Variants in EMC7 observed in about 807,000 individuals in gnomAD.
EMC7 encodes the protein ER membrane protein complex subunit 7.
Under a neutral mutation model 24.4 loss-of-function variants are expected in EMC7, and 4 were observed. That is an observed-to-expected ratio of 0.16 (90% CI 0.08 to 0.38). The LOEUF is 0.38. Among genes scored for constraint, EMC7 ranks in the 10% least tolerant of loss-of-function variants. The pLI is 1.00. For synonymous variants in EMC7, 106 were observed against 112.0 expected (o/e 0.95, Z 0.34); for missense variants, 221 against 300.6 (o/e 0.74, Z 1.96).
At chr15:34,090,639 T>C (rs1330309566) in intron 2 of EMC7, among the ~76,000 whole-genome samples, 184 bp from the exon 3 acceptor site, 2 of 152,214 alleles carry the variant, frequency 1.3e-5, no homozygotes, top group Non-Finnish European at 2.9e-5. Context: ...GTCTAAAATA[T>C]GCAGCAAAAC....
chr15:34,097,674 A>G (rs1479283940), intron 1 of EMC7, among the ~76,000 whole-genome samples: 1 of 152,244 alleles, frequency 6.6e-6, no homozygotes, highest in African/African-American at 2.4e-5. Context: ...ATATATTAAA[A>G]TAATGCTTCT....
In EMC7 at chr15:34,101,570, C is replaced by A. The variant is rs142509404; in HGVS notation, c.236+34G>T. ...GTGGGGTCCCTGTCCGGCCTCCATCCCAGCCTTTTTCCCGCTGCCCTCAGG... is the reference window on the plus strand; with the variant it reads ...GTGGGGTCCCTGTCCGGCCTCCATCACAGCCTTTTTCCCGCTGCCCTCAGG... On this transcript the variant is annotated intron_variant, in intron 1 of 4. Transcript: ENST00000256545. 2,056 of 1,607,598 alleles carry A rather than the reference C, an allele frequency of 1.3e-3. 4 individuals carry two copies. Among genetic ancestry groups the A allele is most frequent in the Non-Finnish European group, 1.6e-3 (1,873 of 1,175,820 alleles).
At chr15:34,100,068 C>A (rs1901150693) in intron 1 of EMC7, among the ~76,000 whole-genome samples, 1 of 152,224 alleles carries the variant, frequency 6.6e-6, no homozygotes, top group Non-Finnish European at 1.5e-5. Context: ...ATGGTAGGCA[C>A]CGTGGCTCAC....
intron 2 of EMC7, among the ~76,000 whole-genome samples, chr15:34,094,683 C>T (rs140864307): frequency 0.015 from 2,253 of 150,414 alleles, 42 homozygotes; most frequent in Admixed American, 0.047. Context: ...GCTTGGGCAA[C>T]AGAGCAAGAC....
At position 34,101,644 on chromosome 15, in the gene EMC7, G is replaced by A; in HGVS notation, c.196C>T (p.Arg66Ter). ...VKPQDWISAARVLVDGEEHVG... is the reference protein window; with the variant it reads ...VKPQDWISAA ...TGCTCTTCTCCGTCTACCAGCACTC[G>A]GGCCGCCGAGATCCAGTCCTGAGGC... The change falls in exon 1 of 5, where the codon CGA becomes TGA. Residue 66 changes from arginine to a stop codon, truncating the protein, a stop_gained. Coordinates refer to ENST00000256545, the MANE Select transcript of EMC7 (RefSeq NM_020154.3). LOFTEE classifies it high-confidence loss of function. The A allele has an allele frequency of 6.2e-7, 1 of 1,613,688 alleles. No individual in the cohort carries two copies. Among genetic ancestry groups the A allele is most frequent in the Non-Finnish European group, 8.5e-7 (1 of 1,179,940 alleles).
intron 1 of EMC7, among the ~76,000 whole-genome samples, chr15:34,099,366 C>G (rs945673015): frequency 6.6e-6 from 1 of 152,100 alleles, no homozygotes; most frequent in Non-Finnish European, 1.5e-5. Flanking sequence ...TGTCCAAAAA[C>G]AGAGGACTGG....
chr15:34,099,748 G>A (rs1159120148), intron 1 of EMC7, among the ~76,000 whole-genome samples: 1 of 152,058 alleles, frequency 6.6e-6, no homozygotes, highest in Non-Finnish European at 1.5e-5. Context: ...TTGGACTACA[G>A]GTGCACACCA....
At chr15:34,090,514 A>C in intron 2 of EMC7, 59 bp from the exon 3 acceptor site, 1 of 1,553,292 alleles carries the variant, frequency 6.4e-7, no homozygotes. Flanking sequence ...ACTGGTTAAA[A>C]GAACTGCTTA....
rs932722444 is a variant in EMC7 at position 34,101,544 on chromosome 15, G to A, written c.236+60C>T. Reference sequence around the variant, plus strand: ...TCCCGTCCTGACACTTAACTCTCCTGGTGGGGTCCCTGTCCGGCCTCCATC... The same window carrying A: ...TCCCGTCCTGACACTTAACTCTCCTAGTGGGGTCCCTGTCCGGCCTCCATC... On this transcript the variant is annotated intron_variant, in intron 1 of 4. Transcript: ENST00000256545. 20 of 1,550,672 alleles carry A rather than the reference G, an allele frequency of 1.3e-5. No individual in the cohort carries two copies. In the Admixed American group the frequency reaches 3.2e-4, roughly 25 times the overall value.
At position 34,086,118 on chromosome 15, in the gene EMC7, G is replaced by A. The variant is rs1900882402; in HGVS notation, c.577-1632C>T. 8.2e-6 allele frequency: 3 copies of A among 367,384 alleles called. No individual in the cohort carries two copies. In the Admixed American group the frequency reaches 9.9e-5, roughly 12 times the overall value. 22.8% of individuals were successfully genotyped at this position (367,384 alleles called of 1,614,324 possible). On this transcript the variant is annotated intron_variant, in intron 4 of 4. Coordinates refer to ENST00000256545, the MANE Select transcript of EMC7 (RefSeq NM_020154.3). ...GAAGCCACTGGGTAGTAAGTACTTT[G>A]TTTCTTTGCTGCTCCCATAACCAAT...
intron 1 of EMC7, among the ~76,000 whole-genome samples, chr15:34,096,779 G>T (rs891759717): frequency 4.6e-5 from 7 of 151,696 alleles, no homozygotes; most frequent in Non-Finnish European, 1.0e-4. Context: ...CCTGAGGTTG[G>T]GAGTTAGAGA....
chr15:34,090,411 A>C lies in EMC7; in HGVS notation c.401T>G (p.Leu134Arg). 1 of 1,613,688 alleles carries C rather than the reference A, an allele frequency of 6.2e-7. No homozygotes were observed. The highest frequency in any genetic ancestry group is 8.5e-7 in the Non-Finnish European group (1 of 1,179,806). The change falls in exon 3 of 5, where the codon CTG (leucine) becomes CGG (arginine). Residue 134 changes from leucine (L) to arginine (R), a missense_variant. Coordinates refer to ENST00000256545, the MANE Select transcript of EMC7 (RefSeq NM_020154.3). ...AGATTTCATTTGGAGAGGATAGGGC[A>C]GTCTGACAACCTCTGATGTTTTGAT... The part of the protein sequence containing the change: ...NYIKTSEVVR[L>R]PYPLQMKSSG...
chr15:34,088,030 C>T (rs762515049), intron 4 of EMC7, 23 bp downstream of exon 4: 92 of 1,584,026 alleles, frequency 5.8e-5, no homozygotes, highest in Middle Eastern at 1.7e-4. Context: ...AAAAAAAAAT[C>T]CATAGCTGGA....
intron 3 of EMC7, among the ~76,000 whole-genome samples, chr15:34,089,828 T>C (rs1158189951): frequency 1.3e-5 from 2 of 152,148 alleles, no homozygotes; most frequent in Non-Finnish European, 2.9e-5. Context: ...TGGTGGCACA[T>C]GCCTGTAATC....
At position 34,101,769 on chromosome 15, in the gene EMC7, G is replaced by A. The variant is rs536183649; in HGVS notation, c.71C>T (p.Ser24Leu). 2.5e-6 allele frequency: 4 copies of A among 1,613,342 alleles called. No homozygotes were observed. In the African/African-American group the frequency reaches 5.3e-5, roughly 22 times the overall value. ...LLLLSGDVQSSEVPGAAAEGS... is the reference protein window; with the variant it reads ...LLLLSGDVQSLEVPGAAAEGS... ...CTCAGCAGCAGCCCCGGGCACCTCC[G>A]AGCTCTGGACATCCCCCGATAGCAG... The change falls in exon 1 of 5, where the codon TCG becomes TTG. Residue 24 changes from serine to leucine, a missense_variant. Physicochemically the swap from Ser to Leu is moderately radical, Grantham distance 145. This residue lies in a region of EMC7 where 156 missense variants were observed against 177.1 expected (regional missense o/e 0.88). Coordinates refer to ENST00000256545, the MANE Select transcript of EMC7 (RefSeq NM_020154.3).
chr15:34,098,420 T>G (rs1203194772), intron 1 of EMC7, among the ~76,000 whole-genome samples: 1 of 151,802 alleles, frequency 6.6e-6, no homozygotes, highest in Non-Finnish European at 1.5e-5. Context: ...ATCTTCTACT[T>G]CTTAATGGGA....
chr15:34,084,018 T>C lies in EMC7; in HGVS notation c.*316A>G, dbSNP rs1900834913. 4.8e-6 allele frequency: 1 copy of C among 207,408 alleles called. No homozygotes were observed. The highest frequency in any genetic ancestry group is 2.3e-5 in the African/African-American group (1 of 43,728). The allele number at this position is 207,408 out of a possible 1,614,324, so 12.8% of individuals were successfully genotyped here. ...TTAAGTAAAAAAAAAGAAAGATGAT[T>C]TGATTTCTGGATTAAGATGTTTTAA... On this transcript the variant is annotated 3_prime_UTR_variant, in exon 5 of 5. Coordinates refer to ENST00000256545, the MANE Select transcript of EMC7 (RefSeq NM_020154.3).
chr15:34,084,206 TAC>T lies in EMC7; in HGVS notation c.*126_*127del. The T allele has an allele frequency of 8.5e-7, 1 of 1,171,738 alleles. No homozygotes were observed. Among genetic ancestry groups the T allele is most frequent in the Non-Finnish European group, 1.2e-6 (1 of 849,000 alleles). 72.6% of individuals were successfully genotyped at this position (1,171,738 alleles called of 1,614,324 possible). ...CAAAACATGTGCTAAAAAGTTAACATACACAGTTGTAAGAGATCAACGTCGGG... is the reference window on the plus strand; with the variant it reads ...CAAAACATGTGCTAAAAAGTTAACATACAGTTGTAAGAGATCAACGTCGGG... On this transcript the variant is annotated 3_prime_UTR_variant, in exon 5 of 5. Transcript: ENST00000256545.
At chr15:34,086,498 A>G (rs966902056) in intron 4 of EMC7, among the ~76,000 whole-genome samples, 2 of 151,972 alleles carry the variant, frequency 1.3e-5, no homozygotes, top group African/African-American at 2.4e-5. Context: ...GCACGATCTC[A>G]GCTCACTGCA....
Sources: allele counts gnomAD v4.1 joint callset (sites outside exome capture counted in the v4.1 genomes callset), GRCh38; gene constraint gnomAD v4.1.1; regional missense constraint gnomAD v4.1.1; transcripts MANE v1.5; gene names NCBI Gene and HGNC (gene_info 2026-07-23, HGNC 2026-07-21).